Variants in WDR18 observed in about 807,000 individuals in gnomAD.
WDR18 encodes WD repeat-containing protein 18.
Under a neutral mutation model 49.6 loss-of-function variants are expected in WDR18, and 33 were observed. That is an observed-to-expected ratio of 0.67 (90% confidence interval 0.50 to 0.89). The LOEUF (loss-of-function observed/expected upper bound fraction) is 0.89, where lower values mean the gene tolerates loss of function less well. Among genes scored for constraint, WDR18 ranks in the 40% least tolerant of loss-of-function variants. The pLI is 0.00. For synonymous variants in WDR18, 315 were observed against 263.6 expected, an observed-to-expected ratio of 1.19 and a Z score of -1.89; for missense variants, 653 against 593.6, an observed-to-expected ratio of 1.10 and a Z score of -1.04.
Position 991,315 on chromosome 19 carries a change from C to G in WDR18, c.895C>G (p.Gln299Glu), listed in dbSNP as rs868734921. The G allele has an allele frequency of 6.4e-7, 1 of 1,559,420 alleles. No homozygotes were observed. Among genetic ancestry groups the G allele is most frequent in the Non-Finnish European group, 8.7e-7 (1 of 1,151,980 alleles). Residue 299 changes from glutamine (Q) to glutamate (E), a missense_variant, in exon 7 of 10, where the codon CAG (glutamine) becomes GAG (glutamate). Transcript: ENST00000585809. ...HDETVRLWDV[Q>E]SKQCIRTVAL... Reference sequence around the variant, plus strand: ...CGAGACCGTGCGCCTCTGGGACGTGCAGAGCAAGCAGTGCATCCGGACGGT... The same window carrying G: ...CGAGACCGTGCGCCTCTGGGACGTGGAGAGCAAGCAGTGCATCCGGACGGT...
intron 7 of WDR18, 142 bp from the exon 8 acceptor site, chr19:991,813 C>G (rs1220563561): frequency 8.8e-6 from 7 of 799,154 alleles, no homozygotes; most frequent in Admixed American, 6.5e-5. Context: ...GGTCGTGGGG[C>G]GGGGCCTGGC....
intron 3 of WDR18, 101 bp downstream of exon 3, chr19:989,996 G>A: frequency 6.7e-7 from 1 of 1,499,252 alleles, no homozygotes; most frequent in Non-Finnish European, 8.8e-7. Flanking sequence ...TTCTCTCTTG[G>A]GGGCTGGAGT....
At chr19:985,268 C>A (rs1477906975) in intron 1 of WDR18, among the ~76,000 whole-genome samples, 1 of 152,172 alleles carries the variant, frequency 6.6e-6, no homozygotes. Flanking sequence ...AGGGTTCAAG[C>A]GATTCTCGGG....
upstream of WDR18, chr19:984,342 G>A: frequency 4.4e-6 from 7 of 1,583,520 alleles, no homozygotes; most frequent in Middle Eastern, 1.7e-4. Context: ...CCGGGGCGGT[G>A]GGGAAGGCAA....
At chr19:987,852 T>TTTTTTTTTTTTTTTC (rs1466728706) in intron 2 of WDR18, among the ~76,000 whole-genome samples, 2 of 128,222 alleles carry the variant, frequency 1.6e-5, no homozygotes, top group African/African-American at 5.8e-5. Flanking sequence ...TTTTTTTTTT[T>TTTTTTTTTTTTTTTC]CAGATGAAGT....
At chr19:992,851 G>C (rs1599449232) in intron 8 of WDR18, among the ~76,000 whole-genome samples, 1 of 152,244 alleles carries the variant, frequency 6.6e-6, no homozygotes, top group East Asian at 1.9e-4. Context: ...TCACGTCACT[G>C]TCTGTGTCCC....
chr19:984,708 C>A, intron 1 of WDR18, 145 bp downstream of exon 1: 2 of 925,188 alleles, frequency 2.2e-6, no homozygotes, highest in East Asian at 3.3e-5. Flanking sequence ...TGCGCATGCG[C>A]GGGTCTGGGG....
intron 2 of WDR18, among the ~76,000 whole-genome samples, chr19:987,829 G>GTTTTTTTTTTTTCTT (rs2038490847): frequency 1.1e-5 from 1 of 91,822 alleles, no homozygotes; most frequent in South Asian, 4.4e-4. Flanking sequence ...GCCGCCTCCA[G>GTTTTTTTTTTTTCTT]TTTTTTTTTT....
chr19:984,244 C>A (rs1362291664), upstream of WDR18: 5 of 1,160,314 alleles, frequency 4.3e-6, no homozygotes, highest in Non-Finnish European at 5.8e-6. Flanking sequence ...CGGGCGCATG[C>A]GCGGGTCGGC....
intron 8 of WDR18, among the ~76,000 whole-genome samples, chr19:992,988 C>T (rs911980063): frequency 3.3e-5 from 5 of 152,208 alleles, no homozygotes; most frequent in Non-Finnish European, 7.3e-5. Flanking sequence ...CAGGAGATGC[C>T]GTTATCTCCC....
chr19:987,367 G>A (rs539159694), intron 2 of WDR18, among the ~76,000 whole-genome samples: 53 of 152,138 alleles, frequency 3.5e-4, no homozygotes, highest in African/African-American at 1.3e-3. Flanking sequence ...GTCGGGACAG[G>A]CAGCACAGGA....
chr19:983,846 C>T (rs2038444670), upstream of WDR18, among the ~76,000 whole-genome samples: 1 of 151,842 alleles, frequency 6.6e-6, no homozygotes, highest in Admixed American at 6.6e-5. Flanking sequence ...TCGAGGCCAG[C>T]CTGGGCAGGA....
chr19:991,998 G>T lies in WDR18; in HGVS notation c.975G>T (p.Met325Ile). Residue 325 changes from methionine to isoleucine, a missense_variant, in exon 8 of 10, where the codon ATG becomes ATT. Transcript: ENST00000585809. Reference protein sequence around the residue: ...NAAILLAPVSMLSSDFRPSLP... With the variant: ...NAAILLAPVSILSSDFRPSLP... ...CCATCCTGCTGGCGCCCGTCAGCAT[G>T]CTGAGCTCAGACTTCAGGCCCAGCC... 1 of 1,598,060 alleles carries T rather than the reference G, an allele frequency of 6.3e-7. No individual in the cohort carries two copies. The highest frequency in any genetic ancestry group is 2.3e-5 in the East Asian group (1 of 43,958).
At chr19:993,204 G>A (rs1042225317) in intron 8 of WDR18, among the ~76,000 whole-genome samples, 3 of 152,230 alleles carry the variant, frequency 2.0e-5, no homozygotes, top group South Asian at 4.1e-4. Flanking sequence ...CGGAACTTTC[G>A]GAGTGAAAAC....
At position 991,946 on chromosome 19, in the gene WDR18, G is replaced by A. The variant is rs760028227; in HGVS notation, c.932-9G>A. ...GGATGGGGCGGGGCCTGACCTCCGC[G>A]CCCCCCAGGCCCAGTCACCAATGCC... On this transcript the variant is annotated splice_polypyrimidine_tract_variant and intron_variant, in intron 7 of 9. Coordinates refer to ENST00000585809, the MANE Select transcript of WDR18 (RefSeq NM_024100.4). 1.9e-6 allele frequency: 3 copies of A among 1,566,898 alleles called. No individual in the cohort carries two copies. Among genetic ancestry groups the A allele is most frequent in the South Asian group, 2.3e-5 (2 of 86,936 alleles).
rs2038596931 is a variant in WDR18, at chr19:994,054, A to G, written c.1133A>G (p.Gln378Arg). The change falls in exon 9 of 10, where the codon CAG becomes CGG. Residue 378 changes from glutamine to arginine, a missense_variant. By Grantham distance (43) the Gln-to-Arg change is conservative (BLOSUM62 1). Transcript: ENST00000585809. ...SEPSYLDRTE[Q>R]LQAVLCSTME... ...CCCAGCTACCTGGACCGCACGGAGC[A>G]GCTGCAGGCCGTCCTGTGCAGCACC... 1 of 1,561,080 alleles carries G rather than the reference A, an allele frequency of 6.4e-7. No individual in the cohort carries two copies. Among genetic ancestry groups the G allele is most frequent in the Non-Finnish European group, 8.7e-7 (1 of 1,153,970 alleles).
In WDR18 at chr19:990,307, C is replaced by T. The variant is rs141150279; in HGVS notation, c.540C>T (p.Cys180=). ...HHALPITDLH[C]GFGGPLARVA... ...CGCTCCCCATCACGGACCTGCACTG[C>T]GGCTTTGGGGGCCCCCTGGCCCGGG... Residue 180 remains cysteine, a synonymous_variant, in exon 4 of 10, where the codon TGC becomes TGT. Coordinates refer to ENST00000585809, the MANE Select transcript of WDR18 (RefSeq NM_024100.4). The T allele has an allele frequency of 1.0e-4, 164 of 1,597,488 alleles. No homozygotes were observed. The highest frequency in any genetic ancestry group is 4.1e-4 in the African/African-American group (31 of 74,908).
chr19:993,577 C>G (rs1356985197), intron 8 of WDR18, among the ~76,000 whole-genome samples: 1 of 152,246 alleles, frequency 6.6e-6, no homozygotes, highest in Non-Finnish European at 1.5e-5. Context: ...CAACGTCCCT[C>G]CATGTAACTG....
chr19:984,166 C>A, upstream of WDR18: 1 of 623,426 alleles, frequency 1.6e-6, no homozygotes, highest in Non-Finnish European at 2.6e-6. Flanking sequence ...CTAAGCAGGC[C>A]GCGCGACCCT....
Sources: gnomAD v4.1 joint callset for allele counts (sites outside exome capture counted in the v4.1 genomes callset) on GRCh38, gnomAD v4.1.1 for gene constraint, MANE v1.5 for transcripts, NCBI Gene and HGNC (gene_info 2026-07-23, HGNC 2026-07-21) for gene names.